The following GATA6 variants were observed in gnomAD, a reference collection of about 807,000 sequenced individuals.
GATA6 encodes the protein GATA binding protein 6, also known as transcription factor GATA-6.
In GATA6, 11 loss-of-function variants were observed where a neutral mutation model predicts 48.1. The observed-to-expected ratio is 0.23, with a 90% CI of 0.14 to 0.38. GATA6 has a LOEUF of 0.38. GATA6 is among the 10% of genes least tolerant of loss of function. The probability of loss-of-function intolerance (pLI) is 1.00; values close to 1 mark genes in which losing one functional copy is unlikely to be tolerated. For synonymous variants in GATA6, 419 were observed against 396.1 expected (o/e 1.06, Z -0.69); for missense variants, 795 against 850.3 (o/e 0.93, Z 0.81).
chr18:22,200,545 C>T (rs765962721), intron 6 of GATA6, 111 bp from the exon 7 acceptor site: 255 of 1,374,462 alleles, frequency 1.9e-4, no homozygotes, highest in Non-Finnish European at 2.4e-4. Context: ...CCAGGAGCAG[C>T]TCTGGCCCTG....
Position 22,181,435 on chromosome 18 carries a change from T to A in GATA6, c.1303-18T>A. The A allele has an allele frequency of 6.2e-7, 1 of 1,614,042 alleles. No individual in the cohort carries two copies. The highest frequency in any genetic ancestry group is 8.5e-7 in the Non-Finnish European group (1 of 1,179,882). On this transcript the variant is annotated intron_variant, in intron 3 of 6. Transcript: ENST00000269216. Reference sequence around the variant, plus strand: ...TGTCACTTATATTTTTCCACTTATGTTCTTGTACTGTTTCTAGCCTTCATC... The same window carrying A: ...TGTCACTTATATTTTTCCACTTATGATCTTGTACTGTTTCTAGCCTTCATC...
chr18:22,200,469 A>T lies in GATA6; in HGVS notation c.1621-187A>T, dbSNP rs2033445492. On this transcript the variant is annotated intron_variant, in intron 6 of 6. Transcript: ENST00000269216. ...AGTGGCACTGTGTGCAATGCAGGGA[A>T]AGGCCCCCACTTGCTGGGGGCAGGG... 4.1e-6 allele frequency: 3 copies of T among 732,816 alleles called. No homozygotes were observed. The East Asian group carries it at 7.7e-5, about 19-fold the overall frequency. 45.4% of individuals were successfully genotyped at this position (732,816 alleles called of 1,614,324 possible). A position where few individuals can be genotyped will look rare whatever the true frequency, so the allele number is the denominator to read the frequency against.
At chr18:22,189,816 A>G (rs972556086) in intron 6 of GATA6, among the ~76,000 whole-genome samples, 1 of 152,174 alleles carries the variant, frequency 6.6e-6, no homozygotes, top group African/African-American at 2.4e-5. Context: ...GAACATAGGG[A>G]GGCAGGAAAT....
rs527954511 is a variant in GATA6, at chr18:22,193,077, G to A, written c.1621-7579G>A. On this transcript the variant is annotated intron_variant, in intron 6 of 6. Transcript: ENST00000269216. ...GTTGGGGCAGAGTGGGGGAGCAGCC[G>A]GTGAAATTTCCAGTAAGGAATTTGT... Among the ~76,000 whole-genome samples, 12 of 152,284 alleles carry A rather than the reference G, an allele frequency of 7.9e-5. No individual in the cohort carries two copies. The South Asian group carries it at 1.0e-3, about 13-fold the overall frequency.
chr18:22,171,254 C>T lies in GATA6; in HGVS notation c.110C>T (p.Ser37Phe), dbSNP rs776255080. ...FPAREPSTPPSPISSSSSSCS... is the reference protein window; with the variant it reads ...FPAREPSTPPFPISSSSSSCS... ...GCGCGGGAGCCCTCCACGCCGCCTT[C>T]CCCCATCTCTTCCTCGTCCTCCTCC... Residue 37 changes from serine (S) to phenylalanine (F), a missense_variant, in exon 2 of 7, where the codon TCC becomes TTC. Coordinates refer to ENST00000269216, the MANE Select transcript of GATA6 (RefSeq NM_005257.6). This position sits in a 1 kb window ranked among gnomAD's most constrained non-coding sequence, Gnocchi z 7.1. 6.3e-6 allele frequency: 10 copies of T among 1,598,358 alleles called. No homozygotes were observed. The East Asian group carries it at 1.3e-4, about 21-fold the overall frequency.
At chr18:22,180,924 G>A (rs780466855) in intron 3 of GATA6, among the ~76,000 whole-genome samples, 1 of 152,034 alleles carries the variant, frequency 6.6e-6, no homozygotes, top group Non-Finnish European at 1.5e-5. Context: ...TATAGTGCAC[G>A]GCCAATTGCT....
At position 22,202,423 on chromosome 18, in the gene GATA6, T is replaced by C. The variant is rs1357641034; in HGVS notation, c.*1600T>C. On this transcript the variant is annotated 3_prime_UTR_variant, in exon 7 of 7. Transcript: ENST00000269216. ...TGCAGACGTTACCCCCAACAGAAGA[T>C]AGGTAGAAATGATTCCAGTGGCCTC... 1.3e-5 allele frequency: 2 copies of C among 152,152 alleles called. No individual in the cohort carries two copies. The highest frequency in any genetic ancestry group is 4.8e-5 in the African/African-American group (2 of 41,446). 9.4% of individuals were successfully genotyped at this position (152,152 alleles called of 1,614,324 possible).
chr18:22,177,276 A>G (rs1013505087), intron 3 of GATA6, among the ~76,000 whole-genome samples, 155 bp downstream of exon 3: 1 of 151,988 alleles, frequency 6.6e-6, no homozygotes, highest in Non-Finnish European at 1.5e-5. Flanking sequence ...CAGCGGTACC[A>G]TCCTGTCCCG....
At position 22,196,044 on chromosome 18, in the gene GATA6, T is replaced by C. The variant is rs144439582; in HGVS notation, c.1621-4612T>C. ...AGCTAACTGCCTTCTGTAAGGTGGG[T>C]GTACCAGAATTTAGCTCCGCCAGCC... On this transcript the variant is annotated intron_variant, in intron 6 of 6. Coordinates refer to ENST00000269216, the MANE Select transcript of GATA6 (RefSeq NM_005257.6). Among the ~76,000 whole-genome samples, 1,248 of 152,324 alleles carry C rather than the reference T, an allele frequency of 8.2e-3. 22 individuals are homozygous for C. Among genetic ancestry groups the C allele is most frequent in the African/African-American group, 0.029 (1,201 of 41,568 alleles).
chr18:22,171,347 A>AGGC lies in GATA6; in HGVS notation c.210_212dup (p.Ala71dup). On this transcript the variant is annotated inframe_insertion, in exon 2 of 7. Coordinates refer to ENST00000269216, the MANE Select transcript of GATA6 (RefSeq NM_005257.6). This position sits in a 1 kb window ranked among gnomAD's most constrained non-coding sequence, Gnocchi z 7.1. The stretch of plus-strand genomic sequence containing the variant: ...TGCGGGACGCCTCAGCTCGACACGG[A>AGGC]GGCGGCGGCCGGACCCCCGGCCCGC... 1 of 1,586,224 alleles carries AGGC rather than the reference A, an allele frequency of 6.3e-7. No homozygotes were observed. Among genetic ancestry groups the AGGC allele is most frequent in the Non-Finnish European group, 8.5e-7 (1 of 1,173,532 alleles).
At chr18:22,199,381 A>G (rs2033428503) in intron 6 of GATA6, among the ~76,000 whole-genome samples, 1 of 152,236 alleles carries the variant, frequency 6.6e-6, no homozygotes, top group Non-Finnish European at 1.5e-5. Flanking sequence ...CTTGGAAGGA[A>G]TAAGAGCTCC....
At chr18:22,193,575 T>C (rs2033353000) in intron 6 of GATA6, among the ~76,000 whole-genome samples, 2 of 152,164 alleles carry the variant, frequency 1.3e-5, no homozygotes, top group African/African-American at 2.4e-5. Flanking sequence ...GTAAGCACAG[T>C]CTCACTCAGA....
chr18:22,171,266 C>T lies in GATA6; in HGVS notation c.122C>T (p.Ser41Phe). Residue 41 changes from serine (S) to phenylalanine (F), a missense_variant, in exon 2 of 7, where the codon TCC (serine) becomes TTC (phenylalanine). Coordinates refer to ENST00000269216, the MANE Select transcript of GATA6 (RefSeq NM_005257.6). The surrounding 1 kb of genome is among the most constrained non-coding windows in gnomAD (Gnocchi z 7.1). ...EPSTPPSPIS[S>F]SSSSCSRGGE... The stretch of plus-strand genomic sequence containing the variant: ...TCCACGCCGCCTTCCCCCATCTCTT[C>T]CTCGTCCTCCTCCTGCTCCCGGGGC... 6.3e-7 allele frequency: 1 copy of T among 1,597,410 alleles called. No homozygotes were observed. The highest frequency in any genetic ancestry group is 2.2e-5 in the East Asian group (1 of 44,788).
At chr18:22,187,647 G>T (rs1485204758) in intron 6 of GATA6, among the ~76,000 whole-genome samples, 1 of 151,922 alleles carries the variant, frequency 6.6e-6, no homozygotes, top group African/African-American at 2.4e-5. Flanking sequence ...TCTGCAATAA[G>T]ATTTAATAAG....
At chr18:22,184,516 G>A (rs2033238828) in intron 6 of GATA6, among the ~76,000 whole-genome samples, 1 of 151,022 alleles carries the variant, frequency 6.6e-6, no homozygotes, top group African/African-American at 2.4e-5. Flanking sequence ...TTTTTTTGAG[G>A]CTGAGTCTTG....
Position 22,171,619 on chromosome 18 carries a change from C to T in GATA6, c.475C>T (p.Pro159Ser), listed in dbSNP as rs777512080. The change falls in exon 2 of 7, where the codon CCG becomes TCG. Residue 159 changes from proline (P) to serine (S), a missense_variant. Pro to Ser is a moderately conservative substitution (Grantham distance 74). Coordinates refer to ENST00000269216, the MANE Select transcript of GATA6 (RefSeq NM_005257.6). The surrounding 1 kb of genome is among the most constrained non-coding windows in gnomAD (Gnocchi z 7.1). Reference protein sequence around the residue: ...QTLAALSSQGPAAYDGAPGGF... With the variant: ...QTLAALSSQGSAAYDGAPGGF... ...CCTCGCCGCTCTCTCCAGCCAGGGT[C>T]CGGCCGCCTACGACGGCGCGCCCGG... 62 of 1,598,860 alleles carry T rather than the reference C, an allele frequency of 3.9e-5. No individual in the cohort carries two copies. The highest frequency in any genetic ancestry group is 5.3e-5 in the Non-Finnish European group (62 of 1,178,736).
intron 6 of GATA6, among the ~76,000 whole-genome samples, chr18:22,196,342 GA>G (rs1432837276): frequency 6.6e-6 from 1 of 151,966 alleles, no homozygotes; most frequent in Non-Finnish European, 1.5e-5. Flanking sequence ...CATTTTGTCT[GA>G]AAAAAAGACA....
At chr18:22,188,895 T>C (rs2033295696) in intron 6 of GATA6, among the ~76,000 whole-genome samples, 1 of 152,204 alleles carries the variant, frequency 6.6e-6, no homozygotes, top group Non-Finnish European at 1.5e-5. Context: ...CTACCTCTTC[T>C]AATGGAAACA....
At position 22,201,463 on chromosome 18, in the gene GATA6, A is replaced by G. The variant is rs956466280; in HGVS notation, c.*640A>G. The G allele has an allele frequency of 6.5e-6, 1 of 152,852 alleles. No homozygotes were observed. The highest frequency in any genetic ancestry group is 1.5e-5 in the Non-Finnish European group (1 of 68,188). 9.5% of individuals were successfully genotyped at this position (152,852 alleles called of 1,614,324 possible). On this transcript the variant is annotated 3_prime_UTR_variant, in exon 7 of 7. Transcript: ENST00000269216. Reference sequence around the variant, plus strand: ...GATATTTTTCTTCCATGTATACAATAATTTTTTTAAAAAGTGCAATTTGCG... The same window carrying G: ...GATATTTTTCTTCCATGTATACAATGATTTTTTTAAAAAGTGCAATTTGCG...
Sources: gnomAD v4.1 joint callset for allele counts (sites outside exome capture counted in the v4.1 genomes callset) on GRCh38, gnomAD v4.1.1 for gene constraint, Gnocchi (gnomAD v3.1) non-coding constraint, MANE v1.5 for transcripts, NCBI Gene and HGNC (gene_info 2026-07-23, HGNC 2026-07-21) for gene names.